Variants in RFX3 observed in about 807,000 individuals in gnomAD.
RFX3 encodes the protein regulatory factor X3, also known as transcription factor RFX3.
In RFX3, 14 loss-of-function variants were observed where a neutral mutation model predicts 98.6. That is an observed-to-expected ratio of 0.14 (90% CI 0.09 to 0.22). RFX3 has a LOEUF of 0.22. RFX3 is among the 10% of genes least tolerant of loss of function. RFX3 has a pLI of 1.00. For missense variants in RFX3, 639 were observed against 926.9 expected, an observed-to-expected ratio of 0.69 and a Z score of 4.03; for synonymous variants, 383 against 328.4, an observed-to-expected ratio of 1.17 and a Z score of -1.80.
chr9:3,275,022 C>T (rs1825015078), intron 9 of RFX3, among the ~76,000 whole-genome samples: 1 of 151,606 alleles, frequency 6.6e-6, no homozygotes, highest in South Asian at 2.1e-4. Context: ...CGAAGTGATC[C>T]ATTTTGGTAT....
rs762585961 is a variant in RFX3, at chr9:3,248,176, A to G, written c.1824T>C (p.Val608=). 8 of 1,609,154 alleles carry G rather than the reference A, an allele frequency of 5.0e-6. No individual in the cohort carries two copies. The African/African-American group carries it at 1.1e-4, about 22-fold the overall frequency. ...CACTGCGTAAGGTTAAGTCCCGAAT[A>G]ACCATTGAGCTGTTCCAAGAGAAAA... ...LLKWSFYSSM[V]IRDLTLRSAA... Residue 608 remains valine, a synonymous_variant, in exon 15 of 17, where the codon GTT becomes GTC. Coordinates refer to ENST00000617270, the MANE Select transcript of RFX3 (RefSeq NM_001282116.2).
intron 4 of RFX3, among the ~76,000 whole-genome samples, chr9:3,306,184 G>A (rs1447443870): frequency 6.6e-6 from 1 of 152,018 alleles, no homozygotes; most frequent in African/African-American, 2.4e-5. Flanking sequence ...TGGCCCAAGT[G>A]TTCAATGTGA....
intron 1 of RFX3, among the ~76,000 whole-genome samples, chr9:3,450,584 T>C (rs1349895889): frequency 6.6e-6 from 1 of 152,186 alleles, no homozygotes; most frequent in African/African-American, 2.4e-5. Flanking sequence ...TACATGTCTT[T>C]TATAGACTAC....
intron 1 of RFX3, among the ~76,000 whole-genome samples, chr9:3,475,037 T>G (rs1849107297): frequency 6.7e-6 from 1 of 149,020 alleles, no homozygotes; most frequent in African/African-American, 2.5e-5. Context: ...TGATCTAGGC[T>G]GCAGTGAGCT....
chr9:3,392,503 G>A (rs528806489), intron 2 of RFX3, among the ~76,000 whole-genome samples: 25 of 150,716 alleles, frequency 1.7e-4, no homozygotes, highest in Middle Eastern at 3.4e-3. Context: ...ATTGAAAATA[G>A]AACAAAAAAA....
chr9:3,452,666 G>C (rs576460582), intron 1 of RFX3, among the ~76,000 whole-genome samples: 2 of 152,150 alleles, frequency 1.3e-5, no homozygotes, highest in Non-Finnish European at 2.9e-5. Flanking sequence ...GGGAATAGGA[G>C]GCTGGTGTGG....
intron 4 of RFX3, among the ~76,000 whole-genome samples, chr9:3,325,047 G>A (rs1227090476): frequency 6.6e-6 from 1 of 152,054 alleles, no homozygotes. Context: ...ATTGGGAAAC[G>A]GGTGAGAGAG....
At chr9:3,256,626 G>C (rs560814160) in intron 14 of RFX3, among the ~76,000 whole-genome samples, 80 of 152,298 alleles carry the variant, frequency 5.3e-4, no homozygotes, top group African/African-American at 1.9e-3. Context: ...AAGGAGACTA[G>C]TGTTAGGCCT....
chr9:3,385,173 T>C (rs1171346499), intron 2 of RFX3, among the ~76,000 whole-genome samples: 1 of 152,214 alleles, frequency 6.6e-6, no homozygotes, highest in East Asian at 1.9e-4. Flanking sequence ...TGTTGCAAAC[T>C]GTTCAAATTA....
At chr9:3,293,683 A>G (rs1200868009) in intron 5 of RFX3, among the ~76,000 whole-genome samples, 2 of 152,152 alleles carry the variant, frequency 1.3e-5, no homozygotes, top group Non-Finnish European at 2.9e-5. Flanking sequence ...TTATTATAAC[A>G]TATGAACAGC....
chr9:3,284,451 C>T (rs1383638374), intron 7 of RFX3, among the ~76,000 whole-genome samples: 1 of 151,598 alleles, frequency 6.6e-6, no homozygotes, highest in Non-Finnish European at 1.5e-5. Flanking sequence ...AAATTATTTT[C>T]ATATGAAGTA....
At chr9:3,520,599 A>T (rs1818611186) in intron 1 of RFX3, among the ~76,000 whole-genome samples, 1 of 152,226 alleles carries the variant, frequency 6.6e-6, no homozygotes, top group Non-Finnish European at 1.5e-5. Flanking sequence ...TGGGAACCTA[A>T]AAGTTTTCAG....
rs1463624118 is a variant in RFX3, at chr9:3,277,399, G to A, written c.914C>T (p.Thr305Ile). The A allele has an allele frequency of 1.9e-6, 3 of 1,611,466 alleles. No individual in the cohort carries two copies. Among genetic ancestry groups the A allele is most frequent in the South Asian group, 2.2e-5 (2 of 91,030 alleles). ...TACAGTTTGCTCAACAGATGTGCCT[G>A]TCTGTTGACCACTTCCTGTGAAACC... ...ADGFTGSGQQ[T>I]GTSVEQTVIA... The change falls in exon 8 of 17, where the codon ACA (threonine) becomes ATA (isoleucine). Residue 305 changes from threonine to isoleucine, a missense_variant. This residue lies in a region of RFX3 where 86 missense variants were observed against 113.2 expected (regional missense o/e 0.76). Coordinates refer to ENST00000617270, the MANE Select transcript of RFX3 (RefSeq NM_001282116.2).
chr9:3,243,299 T>C (rs1046181019), intron 15 of RFX3, among the ~76,000 whole-genome samples: 2 of 145,214 alleles, frequency 1.4e-5, no homozygotes, highest in Non-Finnish European at 3.0e-5. Flanking sequence ...ATTTTAGCAA[T>C]AAATAAATTG....
intron 2 of RFX3, among the ~76,000 whole-genome samples, chr9:3,372,040 C>T (rs1837918063): frequency 6.6e-6 from 1 of 152,132 alleles, no homozygotes; most frequent in Non-Finnish European, 1.5e-5. Context: ...TTACATGCCC[C>T]AAATCTGTAT....
intron 9 of RFX3, 118 bp downstream of exon 9, chr9:3,275,382 G>A (rs575333422): frequency 1.6e-5 from 9 of 555,494 alleles, no homozygotes; most frequent in South Asian, 8.0e-5. Context: ...TAAAAGATAC[G>A]CTCAAAAGAA....
intron 15 of RFX3, among the ~76,000 whole-genome samples, chr9:3,233,965 G>C (rs193296165): frequency 1.3e-5 from 2 of 152,150 alleles, no homozygotes. Context: ...TACTCTGAAA[G>C]GATACCAAAA....
chr9:3,223,706 T>G lies in RFX3; in HGVS notation c.*1336A>C, dbSNP rs1043250974. The G allele has an allele frequency of 1.3e-5, 2 of 152,238 alleles. No homozygotes were observed. Among genetic ancestry groups the G allele is most frequent in the African/African-American group, 4.8e-5 (2 of 41,472 alleles). 9.4% of individuals were successfully genotyped at this position (152,238 alleles called of 1,614,324 possible). On this transcript the variant is annotated 3_prime_UTR_variant, in exon 17 of 17. Coordinates refer to ENST00000617270, the MANE Select transcript of RFX3 (RefSeq NM_001282116.2). ...CCTTTGAAGAACATGTCACCTGTCC[T>G]TACTTCAGGAATCTGAAAATGACAG...
intron 1 of RFX3, among the ~76,000 whole-genome samples, chr9:3,419,444 C>A (rs1843258433): frequency 6.6e-6 from 1 of 152,088 alleles, no homozygotes; most frequent in Admixed American, 6.5e-5. Context: ...TTAATAAAAA[C>A]TGCTATTTGT....
Sources: allele counts gnomAD v4.1 joint callset (sites outside exome capture counted in the v4.1 genomes callset), GRCh38; gene constraint gnomAD v4.1.1; regional missense constraint gnomAD v4.1.1; transcripts MANE v1.5; gene names NCBI Gene and HGNC (gene_info 2026-07-23, HGNC 2026-07-21).